The following ATP2C2 variants were observed in gnomAD, a reference collection of about 807,000 sequenced individuals.
ATP2C2 encodes calcium-transporting ATPase type 2C member 2.
Under a neutral mutation model 110.8 loss-of-function variants are expected in ATP2C2, and 171 were observed. The ratio of observed to expected loss-of-function variants is 1.54; its 90% CI spans 1.36 to 1.75. The LOEUF (loss-of-function observed/expected upper bound fraction) is 1.75. Among genes scored for constraint, ATP2C2 ranks in the 40% most tolerant of loss-of-function variants. The pLI, the probability that ATP2C2 is intolerant of heterozygous loss-of-function variation, is 0.00. For synonymous variants in ATP2C2, 804 were observed against 508.4 expected (o/e 1.58, Z -7.82); for missense variants, 1,963 against 1,235.0 (o/e 1.59, Z -8.84).
chr16:84,372,022 A>C, intron 1 of ATP2C2, among the ~76,000 whole-genome samples: 1 of 152,138 alleles, frequency 6.6e-6, no homozygotes, highest in Non-Finnish European at 1.5e-5. Context: ...AGGAGTGGCA[A>C]AGGGTGAGCT....
At chr16:84,454,557 C>G (rs1028330744) in intron 20 of ATP2C2, among the ~76,000 whole-genome samples, 1 of 152,170 alleles carries the variant, frequency 6.6e-6, no homozygotes. Context: ...TGCTGGGCAC[C>G]GTCACATCCG....
chr16:84,418,151 G>A (rs1270258574), intron 7 of ATP2C2, among the ~76,000 whole-genome samples: 2 of 152,184 alleles, frequency 1.3e-5, no homozygotes, highest in Non-Finnish European at 2.9e-5. Flanking sequence ...GGAGGTGATG[G>A]GACTCCAAGT....
At chr16:84,396,702 G>C (rs957368360) in intron 1 of ATP2C2, among the ~76,000 whole-genome samples, 1 of 151,882 alleles carries the variant, frequency 6.6e-6, no homozygotes, top group South Asian at 2.1e-4. Context: ...ACTTTATTTG[G>C]TACGACGGGA....
intron 1 of ATP2C2, among the ~76,000 whole-genome samples, chr16:84,373,736 C>T (rs889699644): frequency 3.9e-5 from 6 of 152,114 alleles, no homozygotes; most frequent in Admixed American, 1.3e-4. Flanking sequence ...TCAATGACGT[C>T]ATTCACGTTA....
intron 15 of ATP2C2, among the ~76,000 whole-genome samples, chr16:84,443,621 A>G (rs1302854063): frequency 6.6e-6 from 1 of 151,054 alleles, no homozygotes; most frequent in African/African-American, 2.4e-5. Flanking sequence ...TCCAGTTTCC[A>G]CCCCAGCAGA....
At position 84,405,244 on chromosome 16, in the gene ATP2C2, G is replaced by C; in HGVS notation, c.327G>C (p.Gln109His). 1 of 1,611,400 alleles carries C rather than the reference G, an allele frequency of 6.2e-7. No homozygotes were observed. The change falls in exon 3 of 27, where the codon CAG becomes CAC. Residue 109 changes from glutamine (Q) to histidine (H), a missense_variant and splice_region_variant. Coordinates refer to ENST00000262429, the MANE Select transcript of ATP2C2 (RefSeq NM_014861.4). ...CTGTGTGGAAGAAATACCTGGATCA[G>C]GTAGGACCAGAGGTGTCATTCTTTG... ...SEPVWKKYLD[Q>H]FKNPLILLLL...
Position 84,449,439 on chromosome 16 carries a change from G to A in ATP2C2, c.1660+750G>A, listed in dbSNP as rs181950615. 3.3e-5 allele frequency among the ~76,000 whole-genome samples: 5 copies of A among 152,316 alleles called. No homozygotes were observed. The East Asian group carries it at 9.6e-4, about 29-fold the overall frequency. On this transcript the variant is annotated intron_variant, in intron 17 of 26. Coordinates refer to ENST00000262429, the MANE Select transcript of ATP2C2 (RefSeq NM_014861.4). ...TTTGCCCCCCCAAATGGTTTGTGTT[G>A]CGCTGGGTCTACAATAGGCTTACAG... is the stretch of plus-strand genomic sequence containing the variant.
At chr16:84,409,989 A>T (rs571983540) in intron 4 of ATP2C2, among the ~76,000 whole-genome samples, 2 of 152,210 alleles carry the variant, frequency 1.3e-5, no homozygotes, top group African/African-American at 4.8e-5. Flanking sequence ...GGGGTGGATC[A>T]CGAGGTCAGG....
At chr16:84,429,406 G>C (rs977971311) in intron 11 of ATP2C2, among the ~76,000 whole-genome samples, 1 of 152,206 alleles carries the variant, frequency 6.6e-6, no homozygotes, top group Non-Finnish European at 1.5e-5. Context: ...ACCTGCCTCA[G>C]CCTCCCAAAG....
intron 11 of ATP2C2, among the ~76,000 whole-genome samples, chr16:84,432,667 C>T (rs982618304): frequency 6.6e-6 from 1 of 152,030 alleles, no homozygotes; most frequent in Non-Finnish European, 1.5e-5. Context: ...ATTACAGGTG[C>T]CTGCCACCAC....
At chr16:84,439,871 C>T (rs930192397) in intron 13 of ATP2C2, among the ~76,000 whole-genome samples, 8 of 152,120 alleles carry the variant, frequency 5.3e-5, no homozygotes, top group South Asian at 2.1e-4. Context: ...AGTCTTGCTC[C>T]GTCACCCAGG....
At chr16:84,414,936 C>CAGGTCGG (rs1906700835) in intron 6 of ATP2C2, among the ~76,000 whole-genome samples, 1 of 152,012 alleles carries the variant, frequency 6.6e-6, no homozygotes, top group Non-Finnish European at 1.5e-5. Context: ...TTGAAGGGGC[C>CAGGTCGG]AGGTCGGAGG....
chr16:84,433,719 A>G (rs1279927647), intron 11 of ATP2C2, among the ~76,000 whole-genome samples: 1 of 152,066 alleles, frequency 6.6e-6, no homozygotes, highest in Non-Finnish European at 1.5e-5. Context: ...CCTGCCAATA[A>G]TGGTGCATCC....
chr16:84,462,239 C>G (rs1911452221), intron 26 of ATP2C2, 110 bp downstream of exon 26: 3 of 1,414,772 alleles, frequency 2.1e-6, no homozygotes, highest in East Asian at 2.3e-5. Flanking sequence ...GAAAGCAGAG[C>G]TCACCAGGGG....
At chr16:84,430,727 G>A (rs1363154245) in intron 11 of ATP2C2, among the ~76,000 whole-genome samples, 1 of 151,822 alleles carries the variant, frequency 6.6e-6, no homozygotes, top group African/African-American at 2.4e-5. Context: ...AGAAGGAGCA[G>A]GAGTAGAACA....
chr16:84,439,794 T>A (rs924030140), intron 13 of ATP2C2, among the ~76,000 whole-genome samples: 1 of 152,212 alleles, frequency 6.6e-6, no homozygotes, highest in Admixed American at 6.5e-5. Flanking sequence ...AAATCTTCCA[T>A]ACCTTCCACG....
At chr16:84,437,989 A>T (rs569733611) in intron 11 of ATP2C2, among the ~76,000 whole-genome samples, 4 of 152,162 alleles carry the variant, frequency 2.6e-5, no homozygotes, top group South Asian at 4.2e-4. Flanking sequence ...GTGGCCTTCT[A>T]TGTCTGGCTT....
rs529199094 is a variant in ATP2C2 at position 84,446,551 on chromosome 16, A to G, written c.1503+121A>G. 3 of 588,662 alleles carry G rather than the reference A, an allele frequency of 5.1e-6. No homozygotes were observed. In the South Asian group the frequency reaches 1.1e-4, roughly 21 times the overall value. 36.5% of individuals were successfully genotyped at this position (588,662 alleles called of 1,614,324 possible). On this transcript the variant is annotated intron_variant, in intron 16 of 26. Coordinates refer to ENST00000262429, the MANE Select transcript of ATP2C2 (RefSeq NM_014861.4). ...TCCTGGCTGCTTCTGTGACGTTCCA[A>G]ATACATGGAAAAACTTAATCACCAT...
rs909565348 is a variant in ATP2C2 at position 84,454,388 on chromosome 16, C to A, written c.1981-430C>A. ...GCTCTTTTAGTAGACGGGCTTTCTT[C>A]TTTCATGTTATTTTTAGCTCTACAG... On this transcript the variant is annotated intron_variant, in intron 20 of 26. Transcript: ENST00000262429. Among the ~76,000 whole-genome samples the A allele has an allele frequency of 7.9e-5, 12 of 152,278 alleles. No individual in the cohort carries two copies. The East Asian group carries it at 2.3e-3, about 29-fold the overall frequency.
Sources: allele counts gnomAD v4.1 joint callset (sites outside exome capture counted in the v4.1 genomes callset), GRCh38; gene constraint gnomAD v4.1.1; transcripts MANE v1.5; gene names NCBI Gene and HGNC (gene_info 2026-07-23, HGNC 2026-07-21).